The following FBXL7 variants were observed in gnomAD, a reference collection of about 807,000 sequenced individuals.
FBXL7 encodes F-box and leucine rich repeat protein 7.
Under a neutral mutation model 38.3 loss-of-function variants are expected in FBXL7, and 12 were observed. The ratio of observed to expected loss-of-function variants is 0.31; its 90% CI spans 0.20 to 0.51. The LOEUF (loss-of-function observed/expected upper bound fraction) is 0.51. FBXL7 is among the 20% of genes least tolerant of loss of function. The probability of loss-of-function intolerance (pLI) is 0.98; values close to 1 mark genes in which losing one functional copy is unlikely to be tolerated. For missense variants in FBXL7, 567 were observed against 676.4 expected, an observed-to-expected ratio of 0.84 and a Z score of 1.79; for synonymous variants, 297 against 300.9, an observed-to-expected ratio of 0.99 and a Z score of 0.13.
In FBXL7 at chr5:15,551,810, G is replaced by T. The variant is rs1738081809; in HGVS notation, c.37+51097G>T. 3.3e-5 allele frequency among the ~76,000 whole-genome samples: 5 copies of T among 152,116 alleles called. 1 individual carries two copies. Among genetic ancestry groups the T allele is most frequent in the Middle Eastern group, 3.2e-3 (1 of 316 alleles). On this transcript the variant is annotated intron_variant, in intron 1 of 3. Transcript: ENST00000504595. Reference sequence around the variant, plus strand: ...GTGCTTTTGATCTATCTCTGCTTCTGTCATAGGCTGACACTGGGAGAAGCT... The same window carrying T: ...GTGCTTTTGATCTATCTCTGCTTCTTTCATAGGCTGACACTGGGAGAAGCT...
At chr5:15,572,475 C>A (rs935900265) in intron 1 of FBXL7, among the ~76,000 whole-genome samples, 2 of 151,920 alleles carry the variant, frequency 1.3e-5, no homozygotes, top group African/African-American at 4.8e-5. Flanking sequence ...GTGTACTGCC[C>A]TCAAATGTGC....
At chr5:15,831,072 T>TA (rs1738444933) in intron 2 of FBXL7, among the ~76,000 whole-genome samples, 1 of 152,160 alleles carries the variant, frequency 6.6e-6, no homozygotes, top group Non-Finnish European at 1.5e-5. Flanking sequence ...TTGATGAAAA[T>TA]ACAGCACTTA....
intron 1 of FBXL7, among the ~76,000 whole-genome samples, chr5:15,541,397 CAT>C (rs1167438004): frequency 3.8e-5 from 4 of 104,426 alleles, no homozygotes; most frequent in East Asian, 2.6e-4. Flanking sequence ...CACATATATC[CAT>C]ATATATGTGT....
chr5:15,543,690 T>C (rs57474224), intron 1 of FBXL7, among the ~76,000 whole-genome samples: 3,829 of 152,292 alleles, frequency 0.025, 154 homozygotes, highest in African/African-American at 0.088. Flanking sequence ...ATCAGTCGCA[T>C]GTGCTAAACA....
intron 2 of FBXL7, among the ~76,000 whole-genome samples, chr5:15,747,422 CA>C (rs1736043744): frequency 6.6e-6 from 1 of 152,148 alleles, no homozygotes; most frequent in African/African-American, 2.4e-5. Flanking sequence ...AAAGTTGCAT[CA>C]GGGTCCAACC....
At chr5:15,804,242 A>G (rs1348617160) in intron 2 of FBXL7, among the ~76,000 whole-genome samples, 1 of 152,068 alleles carries the variant, frequency 6.6e-6, no homozygotes, top group Non-Finnish European at 1.5e-5. Flanking sequence ...CCCAAGAGGG[A>G]GGTTCTCTTG....
At chr5:15,790,922 C>G (rs75738187) in intron 2 of FBXL7, among the ~76,000 whole-genome samples, 20 of 152,146 alleles carry the variant, frequency 1.3e-4, no homozygotes, top group Non-Finnish European at 1.5e-5. Context: ...GGCTTGTAGT[C>G]AAGCTTCTTA....
Position 15,748,759 on chromosome 5 carries a change from G to T in FBXL7, c.127+132687G>T, listed in dbSNP as rs145552157. 3.2e-4 allele frequency among the ~76,000 whole-genome samples: 48 copies of T among 152,280 alleles called. No homozygotes were observed. In the East Asian group the frequency reaches 9.3e-3, roughly 30 times the overall value. On this transcript the variant is annotated intron_variant, in intron 2 of 3. Transcript: ENST00000504595. ...GCTCTGTCATCCAGGCTAGAGTGCA[G>T]TGATGCAATCATAGCTCACTGCAGG... is the stretch of plus-strand genomic sequence containing the variant.
chr5:15,787,247 A>C (rs930597796), intron 2 of FBXL7, among the ~76,000 whole-genome samples: 1 of 152,268 alleles, frequency 6.6e-6, no homozygotes, highest in Admixed American at 6.5e-5. Context: ...AGTAAGTAAA[A>C]TCAGTCGGCA....
At chr5:15,802,227 TC>T (rs1737588916) in intron 2 of FBXL7, among the ~76,000 whole-genome samples, 1 of 152,044 alleles carries the variant, frequency 6.6e-6, no homozygotes, top group Non-Finnish European at 1.5e-5. Flanking sequence ...CCTCTATTTC[TC>T]CCCTAAACAA....
chr5:15,655,718 C>G (rs377582388), intron 2 of FBXL7, among the ~76,000 whole-genome samples: 1 of 152,134 alleles, frequency 6.6e-6, no homozygotes, highest in Admixed American at 6.6e-5. Flanking sequence ...AGGAGAGCAG[C>G]AGAAACACTT....
chr5:15,693,927 A>G (rs1260921330), intron 2 of FBXL7, among the ~76,000 whole-genome samples: 5 of 152,132 alleles, frequency 3.3e-5, no homozygotes, highest in Non-Finnish European at 7.4e-5. Context: ...CCCACGTGTG[A>G]TCCAATTTTT....
Position 15,857,040 on chromosome 5 carries a change from T to C in FBXL7, c.128-70850T>C, listed in dbSNP as rs1739292977. Among the ~76,000 whole-genome samples the C allele has an allele frequency of 2.6e-5, 4 of 152,182 alleles. No homozygotes were observed. The South Asian group carries it at 6.2e-4, about 24-fold the overall frequency. ...TATGAACCCATTACATTATAAACCA[T>C]ACTGCAACATTGCCTTCCATAACAT... On this transcript the variant is annotated intron_variant, in intron 2 of 3. Coordinates refer to ENST00000504595, the MANE Select transcript of FBXL7 (RefSeq NM_012304.5).
At chr5:15,889,492 C>T (rs1315839775) in intron 2 of FBXL7, among the ~76,000 whole-genome samples, 2 of 152,180 alleles carry the variant, frequency 1.3e-5, no homozygotes, top group Non-Finnish European at 2.9e-5. Context: ...AGAGTTAAAG[C>T]AGCAGAAGCT....
intron 2 of FBXL7, among the ~76,000 whole-genome samples, chr5:15,735,244 C>T (rs956485071): frequency 4.6e-5 from 7 of 152,134 alleles, no homozygotes; most frequent in Non-Finnish European, 7.3e-5. Flanking sequence ...TTTTTAAAAT[C>T]ATTTCTAGGT....
chr5:15,706,517 T>TA (rs1743685317), intron 2 of FBXL7, among the ~76,000 whole-genome samples: 1 of 152,040 alleles, frequency 6.6e-6, no homozygotes, highest in African/African-American at 2.4e-5. Flanking sequence ...TGCAAGCTAA[T>TA]AGAGGGGAGA....
At chr5:15,877,111 C>A (rs190302298) in intron 2 of FBXL7, among the ~76,000 whole-genome samples, 1 of 152,174 alleles carries the variant, frequency 6.6e-6, no homozygotes, top group African/African-American at 2.4e-5. Context: ...ACAAATCAAA[C>A]CCCCAGCACA....
intron 1 of FBXL7, among the ~76,000 whole-genome samples, chr5:15,556,010 T>TATCTATCTATCTATCTATCTATC (rs1554005551): frequency 1.1e-4 from 11 of 99,586 alleles, no homozygotes; most frequent in Non-Finnish European, 1.6e-4. Flanking sequence ...TCTATCTATC[T>TATCTATCTATCTATCTATCTATC]ATCTATCATC....
At chr5:15,670,318 G>T (rs1012835033) in intron 2 of FBXL7, among the ~76,000 whole-genome samples, 1 of 151,994 alleles carries the variant, frequency 6.6e-6, no homozygotes, top group Non-Finnish European at 1.5e-5. Flanking sequence ...CTGAATCATT[G>T]TTCCTCTCTA....
Sources: allele counts gnomAD v4.1 joint callset (sites outside exome capture counted in the v4.1 genomes callset), GRCh38; gene constraint gnomAD v4.1.1; transcripts MANE v1.5; gene names NCBI Gene and HGNC (gene_info 2026-07-23, HGNC 2026-07-21).